KIF18B: variants seen among roughly 807,000 people sequenced by gnomAD.
The protein encoded by KIF18B is kinesin-like protein KIF18B.
Under a neutral mutation model 80.9 loss-of-function variants are expected in KIF18B, and 49 were observed. The ratio of observed to expected loss-of-function variants is 0.61; its 90% CI spans 0.48 to 0.77. The LOEUF is 0.77. Among genes scored for constraint, KIF18B ranks in the 30% least tolerant of loss-of-function variants. The pLI, the probability that KIF18B is intolerant of heterozygous loss-of-function variation, is 0.00. For synonymous variants in KIF18B, 439 were observed against 463.9 expected, an observed-to-expected ratio of 0.95 and a Z score of 0.69; for missense variants, 994 against 1,127.7, an observed-to-expected ratio of 0.88 and a Z score of 1.70.
In KIF18B at chr17:44,932,934, A is replaced by G; in HGVS notation, c.1115T>C (p.Ile372Thr). ...LDCHISQYAT[I>T]CQQLQAEVAA... ...CACCTCAGCCTGGAGCTGTTGGCAG[A>G]TGGTAGCATACTGGCTGATGTGACA... Residue 372 changes from isoleucine to threonine, a missense_variant, in exon 8 of 16, where the codon ATC becomes ACC. Physicochemically the swap from Ile to Thr is moderately conservative, Grantham distance 89 (BLOSUM62 -1). Transcript: ENST00000593135. The G allele has an allele frequency of 6.2e-7, 1 of 1,606,798 alleles. No individual in the cohort carries two copies. Among genetic ancestry groups the G allele is most frequent in the Non-Finnish European group, 8.5e-7 (1 of 1,174,024 alleles).
intron 15 of KIF18B, 82 bp from the exon 16 acceptor site, chr17:44,926,268 C>T (rs932794115): frequency 7.5e-6 from 12 of 1,591,530 alleles, no homozygotes; most frequent in Non-Finnish European, 1.0e-5. Flanking sequence ...GCCCACCTCC[C>T]ACCTGTCTCA....
At chr17:44,933,685 G>T (rs147736364) in intron 7 of KIF18B, among the ~76,000 whole-genome samples, 1 of 152,024 alleles carries the variant, frequency 6.6e-6, no homozygotes, top group Admixed American at 6.6e-5. Flanking sequence ...TAGAGATGGG[G>T]TTTCATCATG....
chr17:44,936,922 A>G (rs1419205466), intron 1 of KIF18B, among the ~76,000 whole-genome samples: 1 of 151,376 alleles, frequency 6.6e-6, no homozygotes, highest in Admixed American at 6.6e-5. Context: ...GATTACAGGC[A>G]TGAGCCACCG....
chr17:44,934,207 G>A lies in KIF18B; in HGVS notation c.885+26C>T, dbSNP rs1423763656. 1 of 1,600,220 alleles carries A rather than the reference G, an allele frequency of 6.2e-7. No homozygotes were observed. The highest frequency in any genetic ancestry group is 1.7e-5 in the Admixed American group (1 of 59,320). On this transcript the variant is annotated intron_variant, in intron 6 of 15. Coordinates refer to ENST00000593135, the MANE Select transcript of KIF18B (RefSeq NM_001265577.2). The surrounding 1 kb of genome is among the most constrained non-coding windows in gnomAD (Gnocchi z 5.4). Reference sequence around the variant, plus strand: ...TCAGGTGCTCAGTTGCTATCCTGGGGAGAATACTGGCCTGTGCTGCTTTAC... The same window carrying A: ...TCAGGTGCTCAGTTGCTATCCTGGGAAGAATACTGGCCTGTGCTGCTTTAC...
In KIF18B at chr17:44,934,120, G is replaced by A. The variant is rs759586991; in HGVS notation, c.886-21C>T. On this transcript the variant is annotated intron_variant, in intron 6 of 15. Transcript: ENST00000593135. The surrounding 1 kb of genome is among the most constrained non-coding windows in gnomAD (Gnocchi z 5.4). ...CGGCCCTGGGGGGCAGTAAGCAGGT[G>A]TGGGGTGAGGCGACTGATGGCACTG... 2.5e-6 allele frequency: 4 copies of A among 1,610,184 alleles called. No homozygotes were observed. The highest frequency in any genetic ancestry group is 2.2e-5 in the East Asian group (1 of 44,800).
chr17:44,936,624 ATTTTTTTTTTTTTTTTT>A (rs72105429), intron 1 of KIF18B, among the ~76,000 whole-genome samples: 7 of 27,898 alleles, frequency 2.5e-4, no homozygotes, highest in African/African-American at 8.4e-4. Flanking sequence ...ATATATATAT[ATTTTTTTTTTTTTTTTT>A]TTTTTTTTTT....
chr17:44,944,435 G>C (rs1320970314), intron 1 of KIF18B, among the ~76,000 whole-genome samples: 1 of 151,960 alleles, frequency 6.6e-6, no homozygotes, highest in African/African-American at 2.4e-5. Flanking sequence ...TAGAGATGGG[G>C]TTTCACCATG....
chr17:44,941,979 T>C (rs1015892474), intron 1 of KIF18B, among the ~76,000 whole-genome samples: 15 of 152,046 alleles, frequency 9.9e-5, no homozygotes, highest in Non-Finnish European at 2.1e-4. Flanking sequence ...GCACAAAGTG[T>C]GGATGACACT....
chr17:44,933,034 T>C (rs748817111), intron 7 of KIF18B, 48 bp from the exon 8 acceptor site: 1 of 1,559,278 alleles, frequency 6.4e-7, no homozygotes, highest in Admixed American at 1.7e-5. Context: ...TCAAAGCAGC[T>C]TTTATCAGCC....
intron 1 of KIF18B, among the ~76,000 whole-genome samples, chr17:44,943,748 C>T (rs1300661033): frequency 6.6e-6 from 1 of 152,056 alleles, no homozygotes; most frequent in Non-Finnish European, 1.5e-5. Flanking sequence ...CATGTTGTTG[C>T]CCAGGCTGGA....
intron 9 of KIF18B, 122 bp from the exon 10 acceptor site, chr17:44,932,328 C>A: frequency 8.9e-7 from 1 of 1,122,898 alleles, no homozygotes; most frequent in South Asian, 1.7e-5. Context: ...GCACCCAGGT[C>A]GTATAGAGTC....
intron 2 of KIF18B, 122 bp from the exon 3 acceptor site, chr17:44,935,538 C>T (rs1160367103): frequency 2.0e-6 from 2 of 1,010,228 alleles, no homozygotes; most frequent in Admixed American, 2.7e-5. Context: ...TCCCACTAAT[C>T]ACACCCTCCA....
In KIF18B at chr17:44,932,801, G is replaced by A. The variant is rs914829806; in HGVS notation, c.1138-28C>T. ...GGAACAGAAGCAGCCCAGCCCCTGA[G>A]AGCCCCAGCTAAGCACAGGAGGGGA... On this transcript the variant is annotated intron_variant, in intron 8 of 15. Coordinates refer to ENST00000593135, the MANE Select transcript of KIF18B (RefSeq NM_001265577.2). 1.9e-6 allele frequency: 3 copies of A among 1,599,722 alleles called. No homozygotes were observed. The African/African-American group carries it at 4.0e-5, about 21-fold the overall frequency.
chr17:44,929,523 C>T (rs1055787564), intron 11 of KIF18B, among the ~76,000 whole-genome samples: 5 of 152,222 alleles, frequency 3.3e-5, no homozygotes, highest in African/African-American at 1.2e-4. Context: ...CACTGGTTAA[C>T]CTCAGTCTCC....
chr17:44,939,574 A>G (rs1342204321), intron 1 of KIF18B, among the ~76,000 whole-genome samples: 1 of 151,976 alleles, frequency 6.6e-6, no homozygotes, highest in Non-Finnish European at 1.5e-5. Context: ...CTTCTATGAA[A>G]AATCCTGCTA....
Position 44,926,086 on chromosome 17 carries a change from C to T in KIF18B, c.2553G>A (p.Val851=). ...ALSAGNGVTK[V]S Reference sequence around the variant, plus strand: ...GGTCAGGACATTCTGGCGGTCAGGACACCTTGGTGACGCCGTTCCCTGCTG... The same window carrying T: ...GGTCAGGACATTCTGGCGGTCAGGATACCTTGGTGACGCCGTTCCCTGCTG... Residue 851 remains valine (V), a synonymous_variant, in exon 16 of 16, where the codon GTG becomes GTA. Coordinates refer to ENST00000593135, the MANE Select transcript of KIF18B (RefSeq NM_001265577.2). 3 of 1,613,902 alleles carry T rather than the reference C, an allele frequency of 1.9e-6. No homozygotes were observed. The highest frequency in any genetic ancestry group is 2.5e-6 in the Non-Finnish European group (3 of 1,179,878).
In KIF18B at chr17:44,928,416, C is replaced by T. The variant is rs1316619846; in HGVS notation, c.1886G>A (p.Arg629Lys). The T allele has an allele frequency of 8.4e-6, 13 of 1,547,212 alleles. No homozygotes were observed. Among genetic ancestry groups the T allele is most frequent in the South Asian group, 1.2e-5 (1 of 84,594 alleles). Residue 629 changes from arginine to lysine, a missense_variant, in exon 13 of 16, where the codon AGG becomes AAG. Physicochemically the swap from Arg to Lys is conservative, Grantham distance 26 (BLOSUM62 2). Transcript: ENST00000593135. ...QGSRWPMEKK[R>K]RRPSALEADS... ...TGCCTCCAAGGCGCTTGGTCTCCTC[C>T]TCTTCTTCTCCATGGGCCATCGGGA... is the stretch of plus-strand genomic sequence containing the variant.
chr17:44,941,799 A>C (rs2052425355), intron 1 of KIF18B, among the ~76,000 whole-genome samples: 2 of 152,082 alleles, frequency 1.3e-5, no homozygotes, highest in Non-Finnish European at 2.9e-5. Context: ...GCTGAGGAGG[A>C]GCCACAGAGC....
chr17:44,931,818 GA>G (rs769465601), intron 10 of KIF18B, 89 bp from the exon 11 acceptor site: 10 of 1,519,198 alleles, frequency 6.6e-6, no homozygotes, highest in Non-Finnish European at 8.9e-6. Context: ...CCTCCTACAA[GA>G]GTGGAAATGA....
Sources: allele counts gnomAD v4.1 joint callset (sites outside exome capture counted in the v4.1 genomes callset), GRCh38; gene constraint gnomAD v4.1.1; non-coding constraint Gnocchi (gnomAD v3.1); transcripts MANE v1.5; gene names NCBI Gene and HGNC (gene_info 2026-07-23, HGNC 2026-07-21).